The following KLF12 variants were observed in gnomAD, a reference collection of about 807,000 sequenced individuals.
The protein encoded by KLF12 is Krueppel-like factor 12.
KLF12 carries 9 observed loss-of-function variants against 37.8 expected under a neutral mutation model. That is an observed-to-expected ratio of 0.24 (90% confidence interval 0.14 to 0.42). KLF12 has a LOEUF of 0.42. Among genes scored for constraint, KLF12 ranks in the 10% least tolerant of loss-of-function variants. KLF12 has a pLI of 1.00. For missense variants in KLF12, 411 were observed against 516.0 expected (o/e 0.80, Z 1.97); for synonymous variants, 208 against 202.1 (o/e 1.03, Z -0.25).
chr13:73,943,733 C>T (rs940273506), intron 3 of KLF12, among the ~76,000 whole-genome samples: 37 of 152,140 alleles, frequency 2.4e-4, no homozygotes, highest in African/African-American at 8.2e-4. Flanking sequence ...TTAGATATAG[C>T]CATATGGTTC....
chr13:73,920,089 T>C (rs1889043656), intron 3 of KLF12, among the ~76,000 whole-genome samples: 1 of 152,168 alleles, frequency 6.6e-6, no homozygotes, highest in African/African-American at 2.4e-5. Flanking sequence ...CAAACTAGCT[T>C]GAAAAGCCTG....
chr13:73,823,340 A>T (rs1388254219), intron 4 of KLF12, among the ~76,000 whole-genome samples: 1 of 152,132 alleles, frequency 6.6e-6, no homozygotes, highest in Non-Finnish European at 1.5e-5. Flanking sequence ...TATGCTATAT[A>T]CAGCTAGATG....
At chr13:73,942,838 C>T (rs1167185511) in intron 3 of KLF12, among the ~76,000 whole-genome samples, 1 of 152,188 alleles carries the variant, frequency 6.6e-6, no homozygotes, top group Non-Finnish European at 1.5e-5. Flanking sequence ...CACGATGAGG[C>T]TCTGTTCAAA....
At chr13:73,834,800 C>G (rs571185507) in intron 4 of KLF12, among the ~76,000 whole-genome samples, 1 of 152,358 alleles carries the variant, frequency 6.6e-6, no homozygotes, top group East Asian at 1.9e-4. Flanking sequence ...GCGTGAGCCA[C>G]TGTGCCTGGT....
chr13:74,008,475 T>C (rs1435326537), intron 1 of KLF12, among the ~76,000 whole-genome samples: 1 of 152,258 alleles, frequency 6.6e-6, no homozygotes, highest in East Asian at 1.9e-4. Context: ...TGTTGTTCTT[T>C]GCAATATGAT....
intron 1 of KLF12, among the ~76,000 whole-genome samples, chr13:74,094,039 A>G (rs1441494718): frequency 6.6e-6 from 1 of 152,060 alleles, no homozygotes; most frequent in Non-Finnish European, 1.5e-5. Context: ...AAATTAGTAT[A>G]TTTGATACAT....
the KLF12 span, among the ~76,000 whole-genome samples, chr13:74,209,416 T>C: frequency 6.6e-6 from 1 of 151,978 alleles, no homozygotes; most frequent in Non-Finnish European, 1.5e-5. Context: ...CATTTCTGAT[T>C]CCTACTAAAT....
At chr13:74,006,202 G>A (rs549436377) in intron 1 of KLF12, among the ~76,000 whole-genome samples, 1 of 152,092 alleles carries the variant, frequency 6.6e-6, no homozygotes, top group East Asian at 1.9e-4. Context: ...TGTCTATTTG[G>A]CATTATAGAT....
At position 73,925,423 on chromosome 13, in the gene KLF12, A is replaced by G. The variant is rs9600186; in HGVS notation, c.123+18558T>C. Among the ~76,000 whole-genome samples the G allele has an allele frequency of 3.4e-3, 521 of 152,334 alleles. 4 individuals carry two copies. The highest frequency in any genetic ancestry group is 0.015 in the East Asian group (80 of 5,180). The stretch of plus-strand genomic sequence containing the variant: ...AACAACAAAGCCTGGATGACAGTAC[A>G]TCTGTTAACAGCATGATTTACGGAG... On this transcript the variant is annotated intron_variant, in intron 3 of 7. Coordinates refer to ENST00000377669, the MANE Select transcript of KLF12 (RefSeq NM_007249.5).
At chr13:73,936,802 C>CTTAT (rs1889953219) in intron 3 of KLF12, among the ~76,000 whole-genome samples, 2 of 152,174 alleles carry the variant, frequency 1.3e-5, no homozygotes, top group South Asian at 4.1e-4. Flanking sequence ...AAAAACATCT[C>CTTAT]TTATTTCATC....
At chr13:74,055,529 A>T (rs1873197686) in intron 1 of KLF12, among the ~76,000 whole-genome samples, 2 of 152,222 alleles carry the variant, frequency 1.3e-5, no homozygotes, top group Admixed American at 6.5e-5. Flanking sequence ...TATGATGTGC[A>T]TCACCATCTA....
At chr13:73,960,791 A>G (rs904678694) in intron 2 of KLF12, among the ~76,000 whole-genome samples, 6 of 152,176 alleles carry the variant, frequency 3.9e-5, no homozygotes, top group Admixed American at 2.6e-4. Flanking sequence ...GCAGAGATCT[A>G]TGTTATACTG....
At chr13:74,153,166 T>G in the KLF12 span, among the ~76,000 whole-genome samples, 23 of 152,114 alleles carry the variant, frequency 1.5e-4, no homozygotes, top group Admixed American at 1.5e-3. Context: ...ATGATATAAA[T>G]GTAAGAGCTC....
chr13:73,925,296 T>G (rs149698588), intron 3 of KLF12, among the ~76,000 whole-genome samples: 2,862 of 152,322 alleles, frequency 0.019, 87 homozygotes, highest in African/African-American at 0.066. Context: ...TACAGGCTAA[T>G]GTAGCTGGTG....
At chr13:74,169,121 G>T in the KLF12 span, among the ~76,000 whole-genome samples, 1 of 152,070 alleles carries the variant, frequency 6.6e-6, no homozygotes, top group African/African-American at 2.4e-5. Flanking sequence ...CCATGTTATT[G>T]ACTAATTATG....
At chr13:74,108,468 C>G (rs1876784419) in intron 1 of KLF12, among the ~76,000 whole-genome samples, 1 of 152,118 alleles carries the variant, frequency 6.6e-6, no homozygotes, top group South Asian at 2.1e-4. Flanking sequence ...AGCAAATACC[C>G]TGTATTTTCA....
chr13:73,818,115 C>T (rs915376134), intron 4 of KLF12, among the ~76,000 whole-genome samples: 3 of 151,916 alleles, frequency 2.0e-5, no homozygotes, highest in Admixed American at 6.5e-5. Context: ...CCCTAAGGGG[C>T]CATTTAGTTA....
chr13:73,745,315 C>T (rs945272159), intron 6 of KLF12, among the ~76,000 whole-genome samples: 1 of 152,100 alleles, frequency 6.6e-6, no homozygotes, highest in Non-Finnish European at 1.5e-5. Context: ...AAAATCATGA[C>T]GTTGTGAAAG....
the KLF12 span, among the ~76,000 whole-genome samples, chr13:74,231,225 C>G: frequency 2.6e-5 from 4 of 151,556 alleles, no homozygotes; most frequent in Admixed American, 6.6e-5. Context: ...CCCTCTGTAT[C>G]TCCAGGGCTT....
Sources: gnomAD v4.1 joint callset for allele counts (sites outside exome capture counted in the v4.1 genomes callset) on GRCh38, gnomAD v4.1.1 for gene constraint, MANE v1.5 for transcripts, NCBI Gene and HGNC (gene_info 2026-07-23, HGNC 2026-07-21) for gene names.